Variants in PTPN13 observed in about 807,000 individuals in gnomAD.
PTPN13 encodes protein tyrosine phosphatase non-receptor type 13.
PTPN13 carries 191 observed loss-of-function variants against 284.0 expected under a neutral mutation model. The observed-to-expected ratio is 0.67, with a 90% CI of 0.60 to 0.76. PTPN13 has a LOEUF of 0.76. PTPN13 is among the 30% of genes least tolerant of loss of function. PTPN13 has a pLI of 0.00. For synonymous variants in PTPN13, 986 were observed against 1,022.3 expected, an observed-to-expected ratio of 0.96 and a Z score of 0.68; for missense variants, 2,797 against 2,939.9, an observed-to-expected ratio of 0.95 and a Z score of 1.12.
chr4:86,680,377 CTATCTAT>C (rs1728754954), intron 3 of PTPN13, among the ~76,000 whole-genome samples: 3 of 151,584 alleles, frequency 2.0e-5, no homozygotes, highest in African/African-American at 7.3e-5. Context: ...ATCTATCTAT[CTATCTAT>C]CTATCTATCT....
chr4:86,637,362 A>C (rs1318615799), intron 2 of PTPN13, among the ~76,000 whole-genome samples: 355 of 151,540 alleles, frequency 2.3e-3, no homozygotes, highest in African/African-American at 1.7e-3. Flanking sequence ...CAAAGCCGGG[A>C]AGAGACACAA....
intron 10 of PTPN13, among the ~76,000 whole-genome samples, chr4:86,729,405 A>C (rs1734686477): frequency 6.7e-6 from 1 of 149,566 alleles, no homozygotes; most frequent in Admixed American, 6.7e-5. Flanking sequence ...AGGTTGGAGA[A>C]GTTCTCCTGG....
chr4:86,773,064 A>G, intron 32 of PTPN13, 106 bp downstream of exon 32: 2 of 794,128 alleles, frequency 2.5e-6, no homozygotes, highest in Non-Finnish European at 1.9e-6. Flanking sequence ...ATAGCTTCAT[A>G]TGTGTGTCTA....
intron 23 of PTPN13, among the ~76,000 whole-genome samples, chr4:86,761,465 G>A (rs549924154): frequency 2.6e-5 from 4 of 152,174 alleles, no homozygotes; most frequent in African/African-American, 7.2e-5. Flanking sequence ...AGATTAAAGA[G>A]TATGTACATT....
chr4:86,808,227 A>T (rs1028086255), intron 45 of PTPN13, among the ~76,000 whole-genome samples: 21 of 152,186 alleles, frequency 1.4e-4, no homozygotes, highest in African/African-American at 5.1e-4. Flanking sequence ...TTATGGTCAG[A>T]CCTCTAAGTA....
intron 40 of PTPN13, among the ~76,000 whole-genome samples, chr4:86,789,759 A>C (rs1460518727): frequency 6.6e-6 from 1 of 152,124 alleles, no homozygotes; most frequent in Middle Eastern, 3.2e-3. Context: ...ACTGAAGGCC[A>C]ATCTTCTTAA....
At chr4:86,785,481 G>A (rs1330976270) in intron 39 of PTPN13, 113 bp downstream of exon 39, 3 of 955,014 alleles carry the variant, frequency 3.1e-6, no homozygotes, top group African/African-American at 1.7e-5. Context: ...CCTCATTCAT[G>A]TGTAATATTT....
At position 86,635,144 on chromosome 4, in the gene PTPN13, T is replaced by A. The variant is rs1304745145; in HGVS notation, c.-5-108T>A. ...TAGATTGGTAGCCATATTGAGAAAT[T>A]AGGTAGACAGGGGGCTTATAGTCTG... On this transcript the variant is annotated intron_variant, in intron 1 of 47. Transcript: ENST00000411767. The A allele has an allele frequency of 3.4e-6, 4 of 1,182,568 alleles. No individual in the cohort carries two copies. The Admixed American group carries it at 7.8e-5, about 23-fold the overall frequency. The allele number at this position is 1,182,568 out of a possible 1,614,324, so 73.3% of individuals were successfully genotyped here.
At chr4:86,663,066 T>G (rs898720395) in intron 2 of PTPN13, among the ~76,000 whole-genome samples, 20 of 152,236 alleles carry the variant, frequency 1.3e-4, no homozygotes, top group Non-Finnish European at 2.6e-4. Flanking sequence ...ACAAAATGCT[T>G]AGGAAGTTCA....
chr4:86,602,856 G>A (rs1018792239), intron 1 of PTPN13, among the ~76,000 whole-genome samples: 2 of 151,832 alleles, frequency 1.3e-5, no homozygotes, highest in African/African-American at 4.8e-5. Flanking sequence ...ACACACACCT[G>A]GCTAATTTTA....
chr4:86,686,674 T>TA lies in PTPN13; in HGVS notation c.295-35dup. On this transcript the variant is annotated intron_variant, in intron 3 of 47. Transcript: ENST00000411767. ...ACTTGCTTAATTTTCTATTGTATTT[T>TA]ATCATAAAATTATTTCTTAAAAATT... The TA allele has an allele frequency of 4.5e-6, 6 of 1,342,670 alleles. No individual in the cohort carries two copies. In the South Asian group the frequency reaches 6.6e-5, roughly 15 times the overall value. The allele number at this position is 1,342,670 out of a possible 1,614,324, so 83.2% of individuals were successfully genotyped here.
At position 86,740,837 on chromosome 4, in the gene PTPN13, A is replaced by G. The variant is rs1736095575; in HGVS notation, c.2305-797A>G. Among the ~76,000 whole-genome samples, 6 of 152,020 alleles carry G rather than the reference A, an allele frequency of 3.9e-5. No homozygotes were observed. In the South Asian group the frequency reaches 1.0e-3, roughly 26 times the overall value. On this transcript the variant is annotated intron_variant, in intron 15 of 47. Transcript: ENST00000411767. The stretch of plus-strand genomic sequence containing the variant: ...TGCTTAGAAATTTCTTCCACAAGAT[A>G]CCCTAAATCATCTCTCTCAAGTTGA...
rs546156870 is a variant in PTPN13, at chr4:86,729,190, G to A, written c.1609-3210G>A. 2.3e-4 allele frequency among the ~76,000 whole-genome samples: 35 copies of A among 149,710 alleles called. 3 individuals carry two copies. In the Admixed American group the frequency reaches 2.3e-3, roughly 10 times the overall value. On this transcript the variant is annotated intron_variant, in intron 10 of 47. Transcript: ENST00000411767. Reference sequence around the variant, plus strand: ...GGCCCCCACTCTCTTCTGGCTTGTAGGGTTTCTGCCGAGAGATCGCTGTTA... The same window carrying A: ...GGCCCCCACTCTCTTCTGGCTTGTAAGGTTTCTGCCGAGAGATCGCTGTTA...
chr4:86,651,379 T>C (rs1484992553), intron 2 of PTPN13, among the ~76,000 whole-genome samples: 3 of 152,054 alleles, frequency 2.0e-5, no homozygotes, highest in Non-Finnish European at 2.9e-5. Context: ...AGTTAGTTTG[T>C]TTCCTTCCTC....
intron 3 of PTPN13, among the ~76,000 whole-genome samples, chr4:86,681,298 A>G (rs990688501): frequency 6.6e-6 from 1 of 152,122 alleles, no homozygotes; most frequent in African/African-American, 2.4e-5. Context: ...CTAATTCTGG[A>G]AAAGGATATA....
At chr4:86,621,028 T>A (rs114118017) in intron 1 of PTPN13, among the ~76,000 whole-genome samples, 190 of 152,326 alleles carry the variant, frequency 1.2e-3, no homozygotes, top group African/African-American at 4.4e-3. Context: ...ATTTATGACT[T>A]AATTCTCTTT....
At chr4:86,655,309 G>A (rs867914605) in intron 2 of PTPN13, among the ~76,000 whole-genome samples, 64 of 152,212 alleles carry the variant, frequency 4.2e-4, no homozygotes, top group Admixed American at 1.4e-3. Context: ...TATTTTGCTC[G>A]TTAGTTGATG....
intron 2 of PTPN13, among the ~76,000 whole-genome samples, chr4:86,636,357 T>C (rs1723017154): frequency 1.3e-5 from 2 of 151,996 alleles, no homozygotes; most frequent in East Asian, 1.9e-4. Flanking sequence ...ACATTTGATA[T>C]CATGCCAGAA....
At chr4:86,806,502 T>C (rs1381724521) in intron 44 of PTPN13, among the ~76,000 whole-genome samples, 2 of 152,206 alleles carry the variant, frequency 1.3e-5, no homozygotes, top group Non-Finnish European at 2.9e-5. Flanking sequence ...CTGTAAGAAA[T>C]GAATCTTAGA....
Sources: gnomAD v4.1 joint callset for allele counts (sites outside exome capture counted in the v4.1 genomes callset) on GRCh38, gnomAD v4.1.1 for gene constraint, MANE v1.5 for transcripts, NCBI Gene and HGNC (gene_info 2026-07-23, HGNC 2026-07-21) for gene names.